AFF3: variants seen among roughly 807,000 people sequenced by gnomAD.
AFF3 encodes ALF transcription elongation factor 3.
Under a neutral mutation model 129.7 loss-of-function variants are expected in AFF3, and 32 were observed. The ratio of observed to expected loss-of-function variants is 0.25; its 90% CI spans 0.19 to 0.33. The LOEUF (loss-of-function observed/expected upper bound fraction) is 0.33, where lower values mean the gene tolerates loss of function less well. Ranked by LOEUF, AFF3 falls within the 10% of genes least tolerant of loss-of-function variation. The probability of loss-of-function intolerance (pLI) is 1.00; values close to 1 mark genes in which losing one functional copy is unlikely to be tolerated. For missense variants in AFF3, 1,373 were observed against 1,592.0 expected, an observed-to-expected ratio of 0.86 and a Z score of 2.34; for synonymous variants, 644 against 635.4, an observed-to-expected ratio of 1.01 and a Z score of -0.20.
intron 11 of AFF3, chr2:99,707,041 A>T (rs1487299819): frequency 2.1e-6 from 2 of 952,334 alleles, no homozygotes; most frequent in Non-Finnish European, 2.5e-6. Context: ...CATATTCCCC[A>T]GAATGTAATC....
chr2:100,006,429 TA>T, intron 7 of AFF3: 2 of 634,854 alleles, frequency 3.2e-6, no homozygotes, highest in Non-Finnish European at 4.9e-6. Context: ...GCTGGAACTC[TA>T]AAAATTCAAA....
intron 10 of AFF3, among the ~76,000 whole-genome samples, chr2:99,734,020 T>C (rs1224709286): frequency 6.6e-6 from 1 of 152,188 alleles, no homozygotes; most frequent in African/African-American, 2.4e-5. Context: ...TGAAGAGAAC[T>C]TGTATCTTTA....
chr2:99,574,977 C>G (rs1676845190), intron 18 of AFF3, among the ~76,000 whole-genome samples: 1 of 152,088 alleles, frequency 6.6e-6, no homozygotes, highest in Non-Finnish European at 1.5e-5. Context: ...GGGAAGCTGG[C>G]ACAGAATGGA....
chr2:99,770,418 G>A (rs376076283), intron 8 of AFF3, among the ~76,000 whole-genome samples: 12 of 152,210 alleles, frequency 7.9e-5, no homozygotes, highest in African/African-American at 2.9e-4. Context: ...CCCAGAGATG[G>A]TATCCAACAG....
chr2:99,918,339 T>A (rs1396524347), intron 7 of AFF3, among the ~76,000 whole-genome samples: 1 of 152,194 alleles, frequency 6.6e-6, no homozygotes, highest in Non-Finnish European at 1.5e-5. Context: ...CCATTTAGAA[T>A]AATTTGAAAT....
At chr2:99,592,565 C>T (rs1050362947) in intron 15 of AFF3, among the ~76,000 whole-genome samples, 6 of 152,086 alleles carry the variant, frequency 3.9e-5, no homozygotes, top group African/African-American at 9.7e-5. Context: ...CATCCAGCTG[C>T]GTGTGCACAC....
At chr2:100,096,815 AT>A (rs1454826565) in intron 4 of AFF3, among the ~76,000 whole-genome samples, 1 of 53,814 alleles carries the variant, frequency 1.9e-5, no homozygotes, top group East Asian at 5.0e-4. Flanking sequence ...AAACAAATAT[AT>A]TTTGAAATTT....
chr2:99,940,554 C>T (rs1436704438), intron 7 of AFF3, among the ~76,000 whole-genome samples: 2 of 152,172 alleles, frequency 1.3e-5, no homozygotes, highest in African/African-American at 4.8e-5. Flanking sequence ...TGCACTCCCA[C>T]CAGCACCATG....
intron 13 of AFF3, among the ~76,000 whole-genome samples, chr2:99,627,859 A>T (rs961233808): frequency 6.6e-6 from 1 of 152,094 alleles, no homozygotes; most frequent in Non-Finnish European, 1.5e-5. Context: ...TTTGTCAAAG[A>T]TCAGATGGTT....
chr2:100,005,894 A>T (rs1167046257), intron 7 of AFF3, among the ~76,000 whole-genome samples: 1 of 152,252 alleles, frequency 6.6e-6, no homozygotes, highest in Non-Finnish European at 1.5e-5. Context: ...TCTTTAAAGA[A>T]TATGTTAAAA....
intron 13 of AFF3, among the ~76,000 whole-genome samples, chr2:99,640,063 G>A (rs1684049504): frequency 6.6e-6 from 1 of 152,166 alleles, no homozygotes; most frequent in Non-Finnish European, 1.5e-5. Context: ...GCATGCAGGA[G>A]CCTCACCTGG....
chr2:99,711,671 A>G lies in AFF3; in HGVS notation c.1091+15406T>C, dbSNP rs192409260. On this transcript the variant is annotated intron_variant, in intron 11 of 24. Coordinates refer to ENST00000672756, the MANE Select transcript of AFF3 (RefSeq NM_001386135.1). ...CTGAAAGAAGACGCACAGCGAATGT[A>G]TGTGTTCCAGCCATCCTTTGTAGTA... Among the ~76,000 whole-genome samples, 6 of 152,322 alleles carry G rather than the reference A, an allele frequency of 3.9e-5. No homozygotes were observed. The East Asian group carries it at 1.2e-3, about 29-fold the overall frequency.
At chr2:99,802,395 C>T (rs974646152) in intron 8 of AFF3, among the ~76,000 whole-genome samples, 10 of 152,056 alleles carry the variant, frequency 6.6e-5, no homozygotes, top group Admixed American at 3.9e-4. Flanking sequence ...TGGCTGGGCG[C>T]GGTGCCTGTA....
In AFF3 at chr2:99,568,683, C is replaced by G. The variant is rs563636324; in HGVS notation, c.2982+169G>C. Among the ~76,000 whole-genome samples the G allele has an allele frequency of 2.0e-5, 3 of 152,274 alleles. No individual in the cohort carries two copies. In the South Asian group the frequency reaches 6.2e-4, roughly 32 times the overall value. On this transcript the variant is annotated intron_variant, in intron 19 of 24. Transcript: ENST00000672756. ...CCAGTCAGGCATTATTGGTTGAAGT[C>G]ATACTTTATTGGGCTATGAACATTT...
rs148392356 is a variant in AFF3 at position 100,057,018 on chromosome 2, T to G, written c.53+47384A>C. ...CATTCAAGAAAAAGAGAAAACTATT[T>G]CTGTTGAAAACTTTGGCCACACTGG... On this transcript the variant is annotated intron_variant, in intron 4 of 24. Coordinates refer to ENST00000672756, the MANE Select transcript of AFF3 (RefSeq NM_001386135.1). Among the ~76,000 whole-genome samples, 250 of 152,306 alleles carry G rather than the reference T, an allele frequency of 1.6e-3. 8 individuals are homozygous for G. The East Asian group carries it at 0.044, about 27-fold the overall frequency.
At chr2:99,982,263 C>T (rs759777784) in intron 7 of AFF3, among the ~76,000 whole-genome samples, 91 of 152,222 alleles carry the variant, frequency 6.0e-4, no homozygotes, top group Admixed American at 1.4e-3. Context: ...AGGTCTTTCC[C>T]GTGCCGTTCT....
intron 13 of AFF3, among the ~76,000 whole-genome samples, chr2:99,634,316 G>C (rs763943358): frequency 2.6e-4 from 40 of 152,354 alleles, no homozygotes; most frequent in Non-Finnish European, 5.1e-4. Context: ...CTCTGTGACT[G>C]TCTGTAGTCA....
intron 11 of AFF3, among the ~76,000 whole-genome samples, chr2:99,711,838 C>T (rs997339464): frequency 6.6e-6 from 1 of 152,150 alleles, no homozygotes; most frequent in Admixed American, 6.5e-5. Context: ...CTGTTAATGT[C>T]AGGCAATATT....
At chr2:99,858,178 C>A (rs964875162) in intron 7 of AFF3, among the ~76,000 whole-genome samples, 2 of 152,246 alleles carry the variant, frequency 1.3e-5, no homozygotes, top group East Asian at 3.9e-4. Context: ...TGAATTCAAC[C>A]TTCAACATGG....
Sources: allele counts gnomAD v4.1 joint callset (sites outside exome capture counted in the v4.1 genomes callset), GRCh38; gene constraint gnomAD v4.1.1; transcripts MANE v1.5; gene names NCBI Gene and HGNC (gene_info 2026-07-23, HGNC 2026-07-21).